ACACB: variants seen among roughly 807,000 people sequenced by gnomAD.
ACACB encodes the protein acetyl-CoA carboxylase 2.
A neutral mutation model predicts 278.8 loss-of-function variants in ACACB; 209 were observed. The observed-to-expected ratio is 0.75, with a 90% CI of 0.67 to 0.84. The LOEUF (loss-of-function observed/expected upper bound fraction) is 0.84, where lower values mean the gene tolerates loss of function less well. ACACB is among the 40% of genes least tolerant of loss of function. The probability of loss-of-function intolerance (pLI) is 0.00; values close to 1 mark genes in which losing one functional copy is unlikely to be tolerated. For synonymous variants in ACACB, 1,174 were observed against 1,285.6 expected, an observed-to-expected ratio of 0.91 and a Z score of 1.86; for missense variants, 2,850 against 3,269.0, an observed-to-expected ratio of 0.87 and a Z score of 3.13.
chr12:109,244,810 T>TTATC (rs754223935), intron 37 of ACACB, among the ~76,000 whole-genome samples: 4 of 151,944 alleles, frequency 2.6e-5, no homozygotes, highest in African/African-American at 4.8e-5. Flanking sequence ...ATCTATCTAT[T>TTATC]TATCTATCTA....
In ACACB at chr12:109,233,844, C is replaced by G. The variant is rs1166803314; in HGVS notation, c.4236C>G (p.Cys1412Trp). The G allele has an allele frequency of 6.2e-7, 1 of 1,614,184 alleles. No individual in the cohort carries two copies. Among genetic ancestry groups the G allele is most frequent in the South Asian group, 1.1e-5 (1 of 91,082 alleles). Residue 1412 changes from cysteine (C) to tryptophan (W), a missense_variant, in exon 30 of 53, where the codon TGC becomes TGG. Cys to Trp is a radical substitution (Grantham distance 215, BLOSUM62 -2). Around this residue, in one of 3 missense-constraint regions of ACACB, gnomAD observed 2,265 missense variants for 2,561.3 expected, o/e 0.88. Transcript: ENST00000338432. The part of the protein sequence containing the change: ...ARTSLYSEDD[C>W]KSLREEPIHI... Reference sequence around the variant, plus strand: ...CCTCCCTATACTCCGAGGATGACTGCAAGGTAAGCGTCTAAGCCCAGGGAG... The same window carrying G: ...CCTCCCTATACTCCGAGGATGACTGGAAGGTAAGCGTCTAAGCCCAGGGAG...
At chr12:109,210,474 T>C (rs564146795) in intron 21 of ACACB, among the ~76,000 whole-genome samples, 9 of 147,740 alleles carry the variant, frequency 6.1e-5, no homozygotes, top group East Asian at 2.0e-4. Context: ...CGCACATACA[T>C]GTGTATATGT....
Position 109,232,651 on chromosome 12 carries a change from C to G in ACACB, c.4002-18C>G, listed in dbSNP as rs2046506853. The G allele has an allele frequency of 3.1e-6, 5 of 1,609,450 alleles. No individual in the cohort carries two copies. Among genetic ancestry groups the G allele is most frequent in the South Asian group, 2.2e-5 (2 of 90,638 alleles). Reference sequence around the variant, plus strand: ...CTGCAAGCAGCTGCCTCATCCCCGACTTGCCATCACCTTACAGGATGACCG... The same window carrying G: ...CTGCAAGCAGCTGCCTCATCCCCGAGTTGCCATCACCTTACAGGATGACCG... On this transcript the variant is annotated intron_variant, in intron 28 of 52. Coordinates refer to ENST00000338432, the MANE Select transcript of ACACB (RefSeq NM_001093.4).
intron 9 of ACACB, 31 bp from the exon 10 acceptor site, chr12:109,179,057 G>C (rs1207391207): frequency 6.3e-7 from 1 of 1,598,938 alleles, no homozygotes; most frequent in Admixed American, 1.7e-5. Flanking sequence ...GTTTCCCCAT[G>C]AAGATCAGGC....
At chr12:109,247,842 G>A (rs1357621371) in intron 40 of ACACB, 139 bp downstream of exon 40, 1 of 664,016 alleles carries the variant, frequency 1.5e-6, no homozygotes, top group Non-Finnish European at 2.7e-6. Context: ...TGGGGGCACT[G>A]ATGCCTTAAA....
chr12:109,162,137 C>T (rs919872775), intron 2 of ACACB, among the ~76,000 whole-genome samples: 2 of 152,088 alleles, frequency 1.3e-5, no homozygotes, highest in Non-Finnish European at 2.9e-5. Flanking sequence ...CCACCATGCC[C>T]AGCTACTTTT....
Position 109,209,265 on chromosome 12 carries a change from C to A in ACACB, c.3161C>A (p.Pro1054His). The A allele has an allele frequency of 6.2e-7, 1 of 1,612,338 alleles. No individual in the cohort carries two copies. Residue 1054 changes from proline to histidine, a missense_variant, in exon 21 of 53, where the codon CCC (proline) becomes CAC (histidine). This residue lies in a region of ACACB where 2,265 missense variants were observed against 2,561.3 expected (regional missense o/e 0.88). Transcript: ENST00000338432. Reference sequence around the variant, plus strand: ...ATGACCAGCGTGGCAGGCCGCATCCCCGCCCCTGTGGAGAAGTCTGTCCGC... The same window carrying A: ...ATGACCAGCGTGGCAGGCCGCATCCACGCCCCTGTGGAGAAGTCTGTCCGC... ...EIMTSVAGRI[P>H]APVEKSVRRV...
chr12:109,145,703 A>T (rs182731927), intron 2 of ACACB, among the ~76,000 whole-genome samples: 22 of 152,136 alleles, frequency 1.4e-4, no homozygotes, highest in African/African-American at 5.3e-4. Context: ...CTGAAAAAAA[A>T]TATTATTTTT....
chr12:109,140,010 A>G lies in ACACB; in HGVS notation c.605A>G (p.Glu202Gly). 6.2e-7 allele frequency: 1 copy of G among 1,609,822 alleles called. No homozygotes were observed. Among genetic ancestry groups the G allele is most frequent in the Non-Finnish European group, 8.5e-7 (1 of 1,179,528 alleles). The change falls in exon 2 of 53, where the codon GAG becomes GGG. Residue 202 changes from glutamate to glycine, a missense_variant. This residue lies in a region of ACACB where 2,265 missense variants were observed against 2,561.3 expected (regional missense o/e 0.88). Coordinates refer to ENST00000338432, the MANE Select transcript of ACACB (RefSeq NM_001093.4). ...GCCAGCTTGGGGGCCCTGTCCCTGG[A>G]GGCTTATCTGACCACAGGTGAAGCT... ...SRASLGALSL[E>G]AYLTTGEAET...
intron 2 of ACACB, among the ~76,000 whole-genome samples, chr12:109,152,631 T>TCTTC (rs71443843): frequency 0.46 from 63,349 of 137,666 alleles, 16,038 homozygotes; most frequent in Middle Eastern, 0.67. Flanking sequence ...GCCTTTTCTT[T>TCTTC]CTTTCTTTCT....
rs746640949 is a variant in ACACB, at chr12:109,266,309, C to T, written c.7324C>T (p.Arg2442Trp). The T allele has an allele frequency of 3.7e-6, 6 of 1,613,532 alleles. No homozygotes were observed. Among genetic ancestry groups the T allele is most frequent in the Non-Finnish European group, 4.2e-6 (5 of 1,179,932 alleles). ...GAGCCAGCACATCAGCCCAGCTGAGCGGGCGCAGGTCGTTCACCTGCTGTC... is the reference window on the plus strand; with the variant it reads ...GAGCCAGCACATCAGCCCAGCTGAGTGGGCGCAGGTCGTTCACCTGCTGTC... ...YLSQHISPAE[R>W]AQVVHLLSTM... is the part of the protein sequence containing the mutation. Residue 2442 changes from arginine (R) to tryptophan (W), a missense_variant, in exon 53 of 53, where the codon CGG (arginine) becomes TGG (tryptophan). Physicochemically the swap from Arg to Trp is moderately radical, Grantham distance 101. This residue lies in a region of ACACB where 579 missense variants were observed against 684.6 expected (regional missense o/e 0.85). Transcript: ENST00000338432.
intron 37 of ACACB, 137 bp from the exon 38 acceptor site, chr12:109,245,489 A>C (rs779510471): frequency 1.6e-5 from 15 of 926,824 alleles, no homozygotes; most frequent in Non-Finnish European, 2.3e-5. Flanking sequence ...AATATGCTTT[A>C]AATATTTCAT....
intron 2 of ACACB, among the ~76,000 whole-genome samples, chr12:109,143,268 C>G (rs1303515639): frequency 2.6e-5 from 4 of 151,742 alleles, no homozygotes; most frequent in Non-Finnish European, 5.9e-5. Flanking sequence ...TCAAGACCAG[C>G]CTGGGCAACA....
rs547525223 is a variant in ACACB at position 109,237,928 on chromosome 12, C to T, written c.4662+548C>T. Among the ~76,000 whole-genome samples, 526 of 150,532 alleles carry T rather than the reference C, an allele frequency of 3.5e-3. 2 individuals are homozygous for T. Among genetic ancestry groups the T allele is most frequent in the Non-Finnish European group, 6.6e-3 (449 of 67,826 alleles). The stretch of plus-strand genomic sequence containing the variant: ...TCAGGAGGCCGAGGCATGAGAATCG[C>T]TTGAACCTGAGAGGCGGAGGTTGCA... On this transcript the variant is annotated intron_variant, in intron 34 of 52. Coordinates refer to ENST00000338432, the MANE Select transcript of ACACB (RefSeq NM_001093.4).
intron 19 of ACACB, among the ~76,000 whole-genome samples, 176 bp downstream of exon 19, chr12:109,201,877 G>C (rs1368020926): frequency 6.6e-6 from 1 of 152,150 alleles, no homozygotes; most frequent in East Asian, 1.9e-4. Flanking sequence ...GCCGCGCCCT[G>C]CTTTACTCAG....
At chr12:109,174,058 C>G in intron 6 of ACACB, 74 bp from the exon 7 acceptor site, 1 of 1,332,724 alleles carries the variant, frequency 7.5e-7, no homozygotes, top group Non-Finnish European at 1.0e-6. Context: ...CCACCGTGCA[C>G]TCGGTCGGCC....
chr12:109,264,151 CTTCA>C, intron 49 of ACACB, 77 bp from the exon 50 acceptor site: 1 of 1,440,310 alleles, frequency 6.9e-7, no homozygotes, highest in Non-Finnish European at 9.5e-7. Flanking sequence ...TTTGTGCCTT[CTTCA>C]AAAAAAAAAA....
At chr12:109,155,003 C>G (rs112728112) in intron 2 of ACACB, 2 of 152,850 alleles carry the variant, frequency 1.3e-5, no homozygotes, top group African/African-American at 2.4e-5. Flanking sequence ...CTTCCTTCCC[C>G]TTGAAGTCAA....
Position 109,266,419 on chromosome 12 carries a change from C to G in ACACB, c.*57C>G. On this transcript the variant is annotated 3_prime_UTR_variant, in exon 53 of 53. Transcript: ENST00000338432. ...GGCAAAAGGAACCACCCAGACCCAC[C>G]ACCCGTACACCCTCAGCAGACCCTG... The G allele has an allele frequency of 6.6e-7, 1 of 1,513,328 alleles. No individual in the cohort carries two copies. The highest frequency in any genetic ancestry group is 8.8e-7 in the Non-Finnish European group (1 of 1,135,318). 93.7% of individuals were successfully genotyped at this position (1,513,328 alleles called of 1,614,324 possible).
Sources: gnomAD v4.1 joint callset for allele counts (sites outside exome capture counted in the v4.1 genomes callset) on GRCh38, gnomAD v4.1.1 for gene constraint, gnomAD v4.1.1 regional missense constraint, MANE v1.5 for transcripts, NCBI Gene and HGNC (gene_info 2026-07-23, HGNC 2026-07-21) for gene names.